The following NCOR1 variants were observed in gnomAD, a reference collection of about 807,000 sequenced individuals.
NCOR1 encodes the protein nuclear receptor corepressor 1.
In NCOR1, 63 loss-of-function variants were observed where a neutral mutation model predicts 288.1. The ratio of observed to expected loss-of-function variants is 0.22; its 90% CI spans 0.18 to 0.27. The LOEUF is 0.27. Ranked by LOEUF, NCOR1 falls within the 10% of genes least tolerant of loss-of-function variation. The pLI is 1.00. For synonymous variants in NCOR1, 1,007 were observed against 1,065.9 expected, an observed-to-expected ratio of 0.94 and a Z score of 1.08; for missense variants, 2,397 against 3,019.2, an observed-to-expected ratio of 0.79 and a Z score of 4.83.
At chr17:16,125,062 T>G (rs1386784512) in intron 15 of NCOR1, among the ~76,000 whole-genome samples, 1 of 152,214 alleles carries the variant, frequency 6.6e-6, no homozygotes, top group Non-Finnish European at 1.5e-5. Context: ...CATGTAACTA[T>G]TAGATGTTTC....
intron 2 of NCOR1, among the ~76,000 whole-genome samples, chr17:16,194,198 T>C (rs2089263951): frequency 6.6e-6 from 1 of 152,156 alleles, no homozygotes; most frequent in Non-Finnish European, 1.5e-5. Context: ...CCAGAAATTC[T>C]AGAGAATTGG....
At chr17:16,154,674 A>G (rs2079428362) in intron 6 of NCOR1, among the ~76,000 whole-genome samples, 1 of 152,224 alleles carries the variant, frequency 6.6e-6, no homozygotes, top group Non-Finnish European at 1.5e-5. Flanking sequence ...GTAAACATCA[A>G]TAAAGGCTTC....
chr17:16,108,856 G>A lies in NCOR1; in HGVS notation c.2112C>T (p.Ser704=), dbSNP rs750455945. The A allele has an allele frequency of 6.2e-7, 1 of 1,607,346 alleles. No homozygotes were observed. Among genetic ancestry groups the A allele is most frequent in the African/African-American group, 1.3e-5 (1 of 74,784 alleles). ...RDVSQCESVA[S]TVSAQEDEDI... is the part of the protein sequence containing the mutation. ...CTTCATCCTCCTGAGCAGAAACAGT[G>A]GAAGCGACACTTTCACATTGAGACA... Residue 704 remains serine, a synonymous_variant, in exon 19 of 46, where the codon TCC becomes TCT. Transcript: ENST00000268712.
At chr17:16,214,456 A>G (rs529071117) in intron 1 of NCOR1, among the ~76,000 whole-genome samples, 1 of 152,210 alleles carries the variant, frequency 6.6e-6, no homozygotes, top group South Asian at 2.1e-4. Flanking sequence ...TGTAAATTTC[A>G]ATATAATTAG....
chr17:16,167,597 C>T (rs1182579972), intron 4 of NCOR1, among the ~76,000 whole-genome samples: 1 of 151,998 alleles, frequency 6.6e-6, no homozygotes, highest in Non-Finnish European at 1.5e-5. Flanking sequence ...CGATGGCTCA[C>T]ACCTGTAATC....
In NCOR1 at chr17:16,122,259, G is replaced by C. The variant is rs1185709216; in HGVS notation, c.1635-990C>G. The stretch of plus-strand genomic sequence containing the variant: ...GTACATTTTTGCAAATGAATGGATA[G>C]ATGGCAATACTCAAAGACTCAATTA... On this transcript the variant is annotated intron_variant, in intron 15 of 45. Transcript: ENST00000268712. Among the ~76,000 whole-genome samples, 8 of 152,304 alleles carry C rather than the reference G, an allele frequency of 5.3e-5. No homozygotes were observed. The East Asian group carries it at 1.5e-3, about 29-fold the overall frequency.
chr17:16,037,514 T>C (rs1055999786), intron 44 of NCOR1, among the ~76,000 whole-genome samples: 3 of 152,174 alleles, frequency 2.0e-5, no homozygotes, highest in African/African-American at 7.2e-5. Context: ...CCTCCTGCCA[T>C]TAAAATGTGG....
In NCOR1 at chr17:16,047,084, G is replaced by T; in HGVS notation, c.6546C>A (p.Ala2182=). 6 of 1,611,686 alleles carry T rather than the reference G, an allele frequency of 3.7e-6. No individual in the cohort carries two copies. Among genetic ancestry groups the T allele is most frequent in the Non-Finnish European group, 5.1e-6 (6 of 1,178,950 alleles). The stretch of plus-strand genomic sequence containing the variant: ...AGTAGCTTATACTCCCTGGTGAGCG[G>T]GCATCATTCCTGTTAGGGCCAAAGT... ...GAEPAEQRND[A]RSPGSISYLP... Residue 2182 remains alanine, a synonymous_variant, in exon 42 of 46, where the codon GCC becomes GCA. Transcript: ENST00000268712.
At chr17:16,167,923 TAAC>T (rs1250241340) in intron 4 of NCOR1, among the ~76,000 whole-genome samples, 1 of 116,464 alleles carries the variant, frequency 8.6e-6, no homozygotes, top group African/African-American at 3.2e-5. Flanking sequence ...AAAACAGTAA[TAAC>T]AAATTAAAAA....
rs1474351844 is a variant in NCOR1, at chr17:16,048,905, T to G, written c.6476A>C (p.His2159Pro). Residue 2159 changes from histidine to proline, a missense_variant, in exon 41 of 46, where the codon CAT (histidine) becomes CCT (proline). By Grantham distance (77) the His-to-Pro change is moderately conservative (BLOSUM62 -2). Transcript: ENST00000268712. ...GAGCAGCAAGCTGTCCTGTTTCTCA[T>G]GCACAACCGGAACCTGGGGTGGGGA... ...PISPPQVPVV[H>P]EKQDSLLLLS... The G allele has an allele frequency of 6.2e-7, 1 of 1,613,914 alleles. No individual in the cohort carries two copies. The highest frequency in any genetic ancestry group is 1.7e-5 in the Admixed American group (1 of 59,996).
At chr17:16,102,470 T>G (rs1385881436) in intron 19 of NCOR1, among the ~76,000 whole-genome samples, 1 of 152,096 alleles carries the variant, frequency 6.6e-6, no homozygotes, top group Non-Finnish European at 1.5e-5. Context: ...TTTATTTAAT[T>G]AACCCAGTAT....
intron 42 of NCOR1, chr17:16,044,342 C>T: frequency 4.7e-5 from 22 of 463,434 alleles, no homozygotes; most frequent in Middle Eastern, 3.3e-4. Flanking sequence ...TCCTTTTTTC[C>T]TTGGTGTTCA....
intron 19 of NCOR1, among the ~76,000 whole-genome samples, chr17:16,106,854 C>CACATATATATAT (rs1555652880): frequency 2.2e-4 from 10 of 46,152 alleles, no homozygotes; most frequent in African/African-American, 1.1e-3. Flanking sequence ...CTTGATCAGA[C>CACATATATATAT]ATATATATAT....
At chr17:16,212,095 T>A (rs1034441452) in intron 1 of NCOR1, among the ~76,000 whole-genome samples, 5 of 151,552 alleles carry the variant, frequency 3.3e-5, no homozygotes, top group Non-Finnish European at 7.4e-5. Context: ...GACCAACACG[T>A]CTCTACTAAA....
intron 18 of NCOR1, among the ~76,000 whole-genome samples, chr17:16,112,341 G>T (rs981423543): frequency 1.3e-5 from 2 of 151,940 alleles, no homozygotes; most frequent in Non-Finnish European, 2.9e-5. Context: ...CCTAAAGGCC[G>T]CTTTGTATAC....
chr17:16,208,280 G>T (rs1214494560), intron 1 of NCOR1, among the ~76,000 whole-genome samples: 2 of 134,704 alleles, frequency 1.5e-5, no homozygotes, highest in South Asian at 2.3e-4. Context: ...GAATGGTCTC[G>T]ATCTCTTGAC....
intron 22 of NCOR1, among the ~76,000 whole-genome samples, chr17:16,087,849 A>C (rs147226602): frequency 1.3e-5 from 2 of 152,352 alleles, no homozygotes; most frequent in African/African-American, 4.8e-5. Flanking sequence ...AAAACCATGA[A>C]TATAACTACA....
chr17:16,044,727 G>C, intron 42 of NCOR1: 1 of 740,168 alleles, frequency 1.4e-6, no homozygotes, highest in Non-Finnish European at 2.5e-6. Context: ...AAAGCAGCTG[G>C]TGTAAATGTT....
chr17:16,082,282 C>T (rs867876362), intron 23 of NCOR1, among the ~76,000 whole-genome samples: 17 of 152,026 alleles, frequency 1.1e-4, no homozygotes, highest in East Asian at 3.9e-4. Context: ...TTATAAGATA[C>T]GCAAAGAAAC....
Sources: gnomAD v4.1 joint callset for allele counts (sites outside exome capture counted in the v4.1 genomes callset) on GRCh38, gnomAD v4.1.1 for gene constraint, MANE v1.5 for transcripts, NCBI Gene and HGNC (gene_info 2026-07-23, HGNC 2026-07-21) for gene names.